Variants in HSPA4L observed in about 807,000 individuals in gnomAD.
The protein encoded by HSPA4L is heat shock 70 kDa protein 4L.
A neutral mutation model predicts 100.3 loss-of-function variants in HSPA4L; 48 were observed. That is an observed-to-expected ratio of 0.48 (90% confidence interval 0.38 to 0.61). The LOEUF (loss-of-function observed/expected upper bound fraction) is 0.61, where lower values mean the gene tolerates loss of function less well. Among genes scored for constraint, HSPA4L ranks in the 20% least tolerant of loss-of-function variants. HSPA4L has a pLI of 0.00. For missense variants in HSPA4L, 886 were observed against 988.6 expected, an observed-to-expected ratio of 0.90 and a Z score of 1.39; for synonymous variants, 319 against 328.2, an observed-to-expected ratio of 0.97 and a Z score of 0.30.
chr4:127,819,873 T>C (rs1319648736), intron 13 of HSPA4L, among the ~76,000 whole-genome samples: 3 of 152,162 alleles, frequency 2.0e-5, no homozygotes, highest in Non-Finnish European at 4.4e-5. Flanking sequence ...CATCTATCAG[T>C]TGATAGACAT....
intron 14 of HSPA4L, among the ~76,000 whole-genome samples, 168 bp downstream of exon 14, chr4:127,820,733 A>G (rs1294660311): frequency 6.6e-6 from 1 of 152,102 alleles, no homozygotes; most frequent in Non-Finnish European, 1.5e-5. Context: ...TTTTAATGCC[A>G]TATGTACTGT....
intron 1 of HSPA4L, among the ~76,000 whole-genome samples, chr4:127,793,054 C>T (rs1269906468): frequency 6.6e-6 from 1 of 152,018 alleles, no homozygotes; most frequent in African/African-American, 2.4e-5. Flanking sequence ...TTAGGGGGAC[C>T]CAAGCTTTTA....
At chr4:127,825,625 T>G (rs2148798812) in intron 16 of HSPA4L, among the ~76,000 whole-genome samples, 1 of 152,154 alleles carries the variant, frequency 6.6e-6, no homozygotes, top group East Asian at 1.9e-4. Context: ...CCTGTCTCCC[T>G]AAAAGAAACA....
intron 18 of HSPA4L, 55 bp downstream of exon 18, chr4:127,830,854 TGA>T (rs1336407744): frequency 3.1e-5 from 35 of 1,136,952 alleles, no homozygotes; most frequent in African/African-American, 6.5e-5. Context: ...AAATTTTTAA[TGA>T]GAGTCATACT....
At position 127,834,805 on chromosome 4, in the gene HSPA4L, G is replaced by GAAC. The variant is rs1205497504; in HGVS notation, c.*1935_*1937dup. The GAAC allele has an allele frequency of 1.3e-5, 2 of 152,080 alleles. No individual in the cohort carries two copies. Among genetic ancestry groups the GAAC allele is most frequent in the Non-Finnish European group, 2.9e-5 (2 of 67,998 alleles). 9.4% of individuals were successfully genotyped at this position (152,080 alleles called of 1,614,324 possible). A position where few individuals can be genotyped will look rare whatever the true frequency, so the allele number is the denominator to read the frequency against. ...AGAAACTTCCTGGGAGTAAATATGG[G>GAAC]AACAACTTTTCTATTAATACATCTA... On this transcript the variant is annotated 3_prime_UTR_variant, in exon 19 of 19. Transcript: ENST00000296464.
In HSPA4L at chr4:127,818,883, T is replaced by TA. The variant is rs1046596410; in HGVS notation, c.1674+476dup. Among the ~76,000 whole-genome samples, 909 of 140,866 alleles carry TA rather than the reference T, an allele frequency of 6.5e-3. 7 individuals carry two copies. Among genetic ancestry groups the TA allele is most frequent in the African/African-American group, 0.02 (765 of 38,622 alleles). The allele number at this position is 140,866 out of a possible 152,430, so 92.4% of individuals were successfully genotyped here. A position where few individuals can be genotyped will look rare whatever the true frequency, so the allele number is the denominator to read the frequency against. On this transcript the variant is annotated intron_variant, in intron 13 of 18. Coordinates refer to ENST00000296464, the MANE Select transcript of HSPA4L (RefSeq NM_014278.4). Reference sequence around the variant, plus strand: ...ACATGTGCCCTTGAACTTAAAAGTTTAAAAAAAAAAAAAGGAAATTTTATC... The same window carrying TA: ...ACATGTGCCCTTGAACTTAAAAGTTTAAAAAAAAAAAAAAGGAAATTTTATC...
In HSPA4L at chr4:127,809,070, G is replaced by A. The variant is rs573265680; in HGVS notation, c.1378+941G>A. ...TATTACTGGATTAATATGAAGGTGA[G>A]GGCGATTGGAAGGTGAGGCGGTCCC... is the stretch of plus-strand genomic sequence containing the variant. On this transcript the variant is annotated intron_variant, in intron 11 of 18. Coordinates refer to ENST00000296464, the MANE Select transcript of HSPA4L (RefSeq NM_014278.4). The A allele has an allele frequency of 5.2e-4, 290 of 561,694 alleles. 4 individuals are homozygous for A. The South Asian group carries it at 6.2e-3, about 12-fold the overall frequency. 34.8% of individuals were successfully genotyped at this position (561,694 alleles called of 1,614,324 possible). A position where few individuals can be genotyped will look rare whatever the true frequency, so the allele number is the denominator to read the frequency against.
chr4:127,788,605 ATGT>A (rs1732782538), intron 1 of HSPA4L, among the ~76,000 whole-genome samples: 3 of 152,334 alleles, frequency 2.0e-5, no homozygotes, highest in Admixed American at 6.5e-5. Flanking sequence ...TATTTGGGAA[ATGT>A]TGTTCTAGGG....
At position 127,834,829 on chromosome 4, in the gene HSPA4L, T is replaced by G. The variant is rs1734167397; in HGVS notation, c.*1955T>G. On this transcript the variant is annotated 3_prime_UTR_variant, in exon 19 of 19. Coordinates refer to ENST00000296464, the MANE Select transcript of HSPA4L (RefSeq NM_014278.4). ...GGAACAACTTTTCTATTAATACATC[T>G]AAATTTTCTAGTATATCCTGACATT... 1 of 152,186 alleles carries G rather than the reference T, an allele frequency of 6.6e-6. No homozygotes were observed. The highest frequency in any genetic ancestry group is 1.9e-4 in the East Asian group (1 of 5,198). 9.4% of individuals were successfully genotyped at this position (152,186 alleles called of 1,614,324 possible). A position where few individuals can be genotyped will look rare whatever the true frequency, so the allele number is the denominator to read the frequency against.
intron 12 of HSPA4L, among the ~76,000 whole-genome samples, chr4:127,815,064 G>A (rs1428673963): frequency 6.6e-6 from 1 of 151,984 alleles, no homozygotes; most frequent in Non-Finnish European, 1.5e-5. Flanking sequence ...CTCTATCCTA[G>A]CTGATGGTAT....
intron 16 of HSPA4L, among the ~76,000 whole-genome samples, chr4:127,824,108 G>A (rs987666563): frequency 6.6e-6 from 1 of 152,114 alleles, no homozygotes; most frequent in African/African-American, 2.4e-5. Context: ...GTCTTTTTGT[G>A]CCTGGCTTAT....
chr4:127,792,996 G>T (rs1732918090), intron 1 of HSPA4L, among the ~76,000 whole-genome samples: 1 of 152,150 alleles, frequency 6.6e-6, no homozygotes, highest in Non-Finnish European at 1.5e-5. Flanking sequence ...GATTGAATTT[G>T]CAGGGTAGAG....
intron 3 of HSPA4L, among the ~76,000 whole-genome samples, chr4:127,797,695 G>C (rs112809550): frequency 6.7e-6 from 1 of 149,154 alleles, no homozygotes; most frequent in African/African-American, 2.5e-5. Flanking sequence ...TCTGCCTCCC[G>C]GGTTCCCACC....
chr4:127,835,354 A>G lies in HSPA4L; in HGVS notation c.*2480A>G, dbSNP rs908344483. On this transcript the variant is annotated 3_prime_UTR_variant, in exon 19 of 19. Transcript: ENST00000296464. The stretch of plus-strand genomic sequence containing the variant: ...AGTTGTACTGTGATTATAAAAAACA[A>G]TTGTTAAATAATATAATGGAAGTTT... 3 of 152,218 alleles carry G rather than the reference A, an allele frequency of 2.0e-5. No homozygotes were observed. Among genetic ancestry groups the G allele is most frequent in the Non-Finnish European group, 4.4e-5 (3 of 68,036 alleles). 9.4% of individuals were successfully genotyped at this position (152,218 alleles called of 1,614,324 possible).
chr4:127,785,123 A>G (rs1732678404), intron 1 of HSPA4L, among the ~76,000 whole-genome samples: 1 of 152,238 alleles, frequency 6.6e-6, no homozygotes, highest in Non-Finnish European at 1.5e-5. Flanking sequence ...CCTATAATTA[A>G]GGGACAAAAG....
intron 17 of HSPA4L, among the ~76,000 whole-genome samples, chr4:127,827,939 A>G (rs1733988484): frequency 6.6e-6 from 1 of 152,124 alleles, no homozygotes; most frequent in Non-Finnish European, 1.5e-5. Context: ...ACTGTCAAAT[A>G]TGTAGTTATA....
chr4:127,832,013 C>T (rs531409645), intron 18 of HSPA4L, among the ~76,000 whole-genome samples: 5 of 151,592 alleles, frequency 3.3e-5, no homozygotes, highest in South Asian at 2.1e-4. Flanking sequence ...GCAACTAAAA[C>T]ATTCCCCTTA....
In HSPA4L at chr4:127,782,539, T is replaced by C. The variant is rs1353741670; in HGVS notation, c.-12T>C. The C allele has an allele frequency of 1.2e-6, 2 of 1,611,160 alleles. No homozygotes were observed. Among genetic ancestry groups the C allele is most frequent in the African/African-American group, 2.7e-5 (2 of 74,940 alleles). On this transcript the variant is annotated 5_prime_UTR_variant, in exon 1 of 19. Transcript: ENST00000296464. ...GGGTTCAGTACCAGCAGCCCGACCA[T>C]CACGCGGCGGGATGTCTGTGGTTGG...
At chr4:127,818,179 C>T (rs944142110) in intron 12 of HSPA4L, 146 bp from the exon 13 acceptor site, 3 of 496,902 alleles carry the variant, frequency 6.0e-6, no homozygotes, top group South Asian at 4.3e-5. Flanking sequence ...TTATTTGTAG[C>T]AATTCTCATT....
Sources: allele counts gnomAD v4.1 joint callset (sites outside exome capture counted in the v4.1 genomes callset), GRCh38; gene constraint gnomAD v4.1.1; transcripts MANE v1.5; gene names NCBI Gene and HGNC (gene_info 2026-07-23, HGNC 2026-07-21).